KERA: variants seen among roughly 807,000 people sequenced by gnomAD.
KERA encodes the protein keratocan.
A neutral mutation model predicts 26.4 loss-of-function variants in KERA; 25 were observed. The ratio of observed to expected loss-of-function variants is 0.95; its 90% CI spans 0.69 to 1.32. The LOEUF is 1.32. KERA is among the 40% of genes most tolerant of loss of function. The pLI, the probability that KERA is intolerant of heterozygous loss-of-function variation, is 0.00. For synonymous variants in KERA, 167 were observed against 146.1 expected (o/e 1.14, Z -1.03); for missense variants, 434 against 408.9 (o/e 1.06, Z -0.53).
At chr12:91,053,256 C>T (rs2120956038) in intron 2 of KERA, among the ~76,000 whole-genome samples, 1 of 151,382 alleles carries the variant, frequency 6.6e-6, no homozygotes, top group Admixed American at 6.6e-5. Context: ...TTGATATCTA[C>T]ATTAAAAAGT....
chr12:91,056,295 G>T lies in KERA; in HGVS notation c.-8-6C>A. The T allele has an allele frequency of 1.9e-6, 3 of 1,603,610 alleles. No homozygotes were observed. Among genetic ancestry groups the T allele is most frequent in the Non-Finnish European group, 2.6e-6 (3 of 1,172,932 alleles). On this transcript the variant is annotated splice_polypyrimidine_tract_variant and splice_region_variant and intron_variant, in intron 1 of 2. Transcript: ENST00000266719. ...TGTGCCTGCCATTATAGCACCTACA[G>T]AAAAAGGAACACAACTGTTAGATAT...
At chr12:91,054,452 A>G (rs1033757937) in intron 2 of KERA, among the ~76,000 whole-genome samples, 20 of 151,464 alleles carry the variant, frequency 1.3e-4, no homozygotes, top group Admixed American at 3.3e-4. Flanking sequence ...TTGAAGATGC[A>G]TAGATAAATG....
chr12:91,055,735 A>T lies in KERA; in HGVS notation c.547T>A (p.Phe183Ile), dbSNP rs1370478867. 5.0e-6 allele frequency: 8 copies of T among 1,611,418 alleles called. No individual in the cohort carries two copies. In the South Asian group the frequency reaches 7.7e-5, roughly 15 times the overall value. ...LQNNKLVDNA[F>I]QRDTFKGLKN... is the part of the protein sequence containing the mutation. ...AGTCCTTTAAAAGTGTCTCTTTGAA[A>T]GGCATTGTCCACTAATTTGTTGTTC... is the stretch of plus-strand genomic sequence containing the variant. Residue 183 changes from phenylalanine (F) to isoleucine (I), a missense_variant, in exon 2 of 3, where the codon TTT becomes ATT. Phe to Ile is a conservative substitution (Grantham distance 21). Coordinates refer to ENST00000266719, the MANE Select transcript of KERA (RefSeq NM_007035.4).
At position 91,056,175 on chromosome 12, in the gene KERA, G is replaced by A. The variant is rs1170852200; in HGVS notation, c.107C>T (p.Thr36Ile). 2.5e-6 allele frequency: 4 copies of A among 1,610,272 alleles called. No homozygotes were observed. The highest frequency in any genetic ancestry group is 2.2e-5 in the East Asian group (1 of 44,758). ...CATGGGACACTCGAAGTCATGAATA[G>A]TCCAATCATCTGAATCATGTACTTC... ...VYEVHDSDDW[T>I]IHDFECPMEC... The change falls in exon 2 of 3, where the codon ACT (threonine) becomes ATT (isoleucine). Residue 36 changes from threonine to isoleucine, a missense_variant. Thr to Ile is a moderately conservative substitution (Grantham distance 89). Transcript: ENST00000266719.
Position 91,051,531 on chromosome 12 carries a change from A to C in KERA, c.887-13T>G. ...GAGACATTCACACCTACAGTGACAAAGAGAATAGATGAATGAATTGGAACA... is the reference window on the plus strand; with the variant it reads ...GAGACATTCACACCTACAGTGACAACGAGAATAGATGAATGAATTGGAACA... On this transcript the variant is annotated splice_polypyrimidine_tract_variant and intron_variant, in intron 2 of 2. Coordinates refer to ENST00000266719, the MANE Select transcript of KERA (RefSeq NM_007035.4). The C allele has an allele frequency of 6.3e-7, 1 of 1,585,480 alleles. No homozygotes were observed. Among genetic ancestry groups the C allele is most frequent in the East Asian group, 2.2e-5 (1 of 44,666 alleles).
Position 91,055,741 on chromosome 12 carries a change from T to G in KERA, c.541A>C (p.Asn181His). Residue 181 changes from asparagine to histidine, a missense_variant, in exon 2 of 3, where the codon AAT becomes CAT. Transcript: ENST00000266719. The part of the protein sequence containing the change: ...LDLQNNKLVD[N>H]AFQRDTFKGL... ...TTAAAAGTGTCTCTTTGAAAGGCAT[T>G]GTCCACTAATTTGTTGTTCTGTAGG... 6.2e-7 allele frequency: 1 copy of G among 1,611,498 alleles called. No homozygotes were observed.
Position 91,057,732 on chromosome 12 carries a change from A to G in KERA, c.-9+12T>C, listed in dbSNP as rs1302816511. 1.3e-5 allele frequency: 2 copies of G among 151,196 alleles called. No individual in the cohort carries two copies. Among genetic ancestry groups the G allele is most frequent in the Non-Finnish European group, 3.0e-5 (2 of 67,392 alleles). 9.4% of individuals were successfully genotyped at this position (151,196 alleles called of 1,614,324 possible). ...TAACTTTAAGAGTTTTTAAAAGTGCAAAATAGTTTACCTTGCCTTCCAGGA... is the reference window on the plus strand; with the variant it reads ...TAACTTTAAGAGTTTTTAAAAGTGCGAAATAGTTTACCTTGCCTTCCAGGA... On this transcript the variant is annotated intron_variant, in intron 1 of 2. Coordinates refer to ENST00000266719, the MANE Select transcript of KERA (RefSeq NM_007035.4).
chr12:91,055,807 G>A lies in KERA; in HGVS notation c.475C>T (p.Gln159Ter). The change falls in exon 2 of 3, where the codon CAA (glutamine) becomes TAA (stop). Residue 159 changes from glutamine (Q) to a stop codon, truncating the protein, a stop_gained. Coordinates refer to ENST00000266719, the MANE Select transcript of KERA (RefSeq NM_007035.4). LOFTEE classifies it high-confidence loss of function. The stretch of plus-strand genomic sequence containing the variant: ...TTCTCCAGATTGCTAAAGGTCCCTT[G>A]AGGAATTCTGGACACCTTATTTCTA... ...LARNKVSRIPQGTFSNLENLT... is the reference protein window; with the variant it reads ...LARNKVSRIP The A allele has an allele frequency of 6.2e-7, 1 of 1,611,266 alleles. No individual in the cohort carries two copies. Among genetic ancestry groups the A allele is most frequent in the Non-Finnish European group, 8.5e-7 (1 of 1,178,192 alleles).
chr12:91,051,045 T>C lies in KERA; in HGVS notation c.*301A>G, dbSNP rs1455725301. On this transcript the variant is annotated 3_prime_UTR_variant, in exon 3 of 3. Transcript: ENST00000266719. ...ATGTGTCCTTTTTATTGTATAAGAA[T>C]GTAATTGTTTTCTTTAGTGTTAATA... 1.6e-5 allele frequency: 5 copies of C among 311,712 alleles called. No homozygotes were observed. The highest frequency in any genetic ancestry group is 4.2e-5 in the Admixed American group (1 of 23,582). 19.3% of individuals were successfully genotyped at this position (311,712 alleles called of 1,614,324 possible).
At chr12:91,051,597 A>C in intron 2 of KERA, 79 bp from the exon 3 acceptor site, 1 of 999,334 alleles carries the variant, frequency 1.0e-6, no homozygotes, top group Admixed American at 1.7e-5. Flanking sequence ...AACTAATGCC[A>C]TGGTCCTATG....
chr12:91,050,998 A>G lies in KERA; in HGVS notation c.*348T>C. On this transcript the variant is annotated 3_prime_UTR_variant, in exon 3 of 3. Coordinates refer to ENST00000266719, the MANE Select transcript of KERA (RefSeq NM_007035.4). The stretch of plus-strand genomic sequence containing the variant: ...ATACTGTAAATTACGGTATCTGCAT[A>G]AGTAATTTTAAACATACACAAATGT... 4.5e-6 allele frequency: 1 copy of G among 222,260 alleles called. No individual in the cohort carries two copies. The allele number at this position is 222,260 out of a possible 1,614,324, so 13.8% of individuals were successfully genotyped here.
intron 2 of KERA, among the ~76,000 whole-genome samples, chr12:91,051,864 G>A (rs890552189): frequency 2.0e-5 from 3 of 151,508 alleles, no homozygotes; most frequent in African/African-American, 7.3e-5. Flanking sequence ...GCTGTAGGTA[G>A]GATTTAGGGC....
intron 2 of KERA, 97 bp downstream of exon 2, chr12:91,055,299 G>T (rs1878964428): frequency 1.2e-5 from 13 of 1,073,186 alleles, no homozygotes; most frequent in African/African-American, 1.6e-5. Context: ...ACATTAGCGG[G>T]GGAGGGGGCA....
intron 1 of KERA, among the ~76,000 whole-genome samples, chr12:91,056,977 T>TTC (rs886485276): frequency 2.2e-4 from 33 of 147,022 alleles, no homozygotes; most frequent in East Asian, 7.9e-4. Context: ...CTCTCTCCCT[T>TTC]TCTCTCTCTC....
chr12:91,051,509 A>G lies in KERA; in HGVS notation c.896T>C (p.Val299Ala). ...LDHNKIKSVNVSVICPSPSML... is the reference protein window; with the variant it reads ...LDHNKIKSVNASVICPSPSML... ...GGATGGGCTGGGACATATTACAGAGACATTCACACCTACAGTGACAAAGAG... is the reference window on the plus strand; with the variant it reads ...GGATGGGCTGGGACATATTACAGAGGCATTCACACCTACAGTGACAAAGAG... Residue 299 changes from valine (V) to alanine (A), a missense_variant, in exon 3 of 3, where the codon GTC (valine) becomes GCC (alanine). Val to Ala is a moderately conservative substitution (Grantham distance 64). Transcript: ENST00000266719. The G allele has an allele frequency of 6.2e-7, 1 of 1,607,850 alleles. No homozygotes were observed. The highest frequency in any genetic ancestry group is 8.5e-7 in the Non-Finnish European group (1 of 1,175,126).
rs149529940 is a variant in KERA at position 91,056,027 on chromosome 12, G to C, written c.255C>G (p.Thr85=). ...YLYLQNNLIE[T]IPEKPFENAT... Reference sequence around the variant, plus strand: ...CATTCTCAAATGGCTTTTCAGGAATGGTTTCTATCAGGTTGTTTTGAAGAT... The same window carrying C: ...CATTCTCAAATGGCTTTTCAGGAATCGTTTCTATCAGGTTGTTTTGAAGAT... Residue 85 remains threonine (T), a synonymous_variant, in exon 2 of 3, where the codon ACC becomes ACG. Transcript: ENST00000266719. 6.2e-7 allele frequency: 1 copy of C among 1,609,460 alleles called. No individual in the cohort carries two copies. Among genetic ancestry groups the C allele is most frequent in the East Asian group, 2.2e-5 (1 of 44,780 alleles).
intron 2 of KERA, among the ~76,000 whole-genome samples, chr12:91,053,008 C>T (rs776389841): frequency 3.3e-5 from 5 of 151,382 alleles, no homozygotes; most frequent in Non-Finnish European, 7.4e-5. Context: ...TGAAAGTTTT[C>T]AGAAAAATAA....
rs563547134 is a variant in KERA at position 91,055,318 on chromosome 12, G to T, written c.886+78C>A. ...TAGCGGGGGAGGGGGCAACACATTT[G>T]CTCTTCTTAATGAAAATAAAGATAC... On this transcript the variant is annotated intron_variant, in intron 2 of 2. Transcript: ENST00000266719. 2.1e-3 allele frequency: 2,643 copies of T among 1,278,988 alleles called. 8 individuals carry two copies. The highest frequency in any genetic ancestry group is 2.5e-3 in the Non-Finnish European group (2,169 of 884,774). The allele number at this position is 1,278,988 out of a possible 1,614,324, so 79.2% of individuals were successfully genotyped here.
In KERA at chr12:91,056,201, A is replaced by G; in HGVS notation, c.81T>C (p.Tyr27=). 6.2e-7 allele frequency: 1 copy of G among 1,609,868 alleles called. No individual in the cohort carries two copies. The highest frequency in any genetic ancestry group is 2.2e-5 in the East Asian group (1 of 44,762). ...TVWSRSVRQV[Y]EVHDSDDWTI... Reference sequence around the variant, plus strand: ...TCCAATCATCTGAATCATGTACTTCATAGACCTGCCTCACACTTCTAGACC... The same window carrying G: ...TCCAATCATCTGAATCATGTACTTCGTAGACCTGCCTCACACTTCTAGACC... Residue 27 remains tyrosine, a synonymous_variant, in exon 2 of 3, where the codon TAT becomes TAC. Transcript: ENST00000266719.
Sources: gnomAD v4.1 joint callset for allele counts (sites outside exome capture counted in the v4.1 genomes callset) on GRCh38, gnomAD v4.1.1 for gene constraint, MANE v1.5 for transcripts, NCBI Gene and HGNC (gene_info 2026-07-23, HGNC 2026-07-21) for gene names.